Variants in WDR25 observed in about 807,000 individuals in gnomAD.
WDR25 encodes the protein WD repeat domain 25, also known as WD repeat-containing protein 25.
In WDR25, 35 loss-of-function variants were observed where a neutral mutation model predicts 47.7. That is an observed-to-expected ratio of 0.73 (90% CI 0.56 to 0.97). WDR25 has a LOEUF of 0.97. Ranked by LOEUF, WDR25 falls within the 50% of genes least tolerant of loss-of-function variation. The probability of loss-of-function intolerance (pLI) is 0.00; values close to 1 mark genes in which losing one functional copy is unlikely to be tolerated. For missense variants in WDR25, 634 were observed against 704.7 expected (o/e 0.90, Z 1.14); for synonymous variants, 248 against 278.9 (o/e 0.89, Z 1.10).
At position 100,525,231 on chromosome 14, in the gene WDR25, T is replaced by G. The variant is rs77029499; in HGVS notation, c.1102-639T>G. ...CATCCCCTCACCAGAGCTGGATACT[T>G]GAGAGCAGAAGCTGAATGTGATAAA... is the stretch of plus-strand genomic sequence containing the variant. On this transcript the variant is annotated intron_variant, in intron 4 of 6. Coordinates refer to ENST00000402312, the MANE Select transcript of WDR25 (RefSeq NM_001161476.3). The surrounding 1 kb of genome is among the most constrained non-coding windows in gnomAD (Gnocchi z 4.6). Among the ~76,000 whole-genome samples, 1,058 of 152,328 alleles carry G rather than the reference T, an allele frequency of 6.9e-3. 8 individuals are homozygous for G. Among genetic ancestry groups the G allele is most frequent in the Non-Finnish European group, 0.012 (798 of 68,028 alleles).
At chr14:100,462,562 T>A (rs1293793209) in intron 2 of WDR25, among the ~76,000 whole-genome samples, 1 of 152,180 alleles carries the variant, frequency 6.6e-6, no homozygotes, top group Non-Finnish European at 1.5e-5. Flanking sequence ...GTGCATCTAC[T>A]AGGAGAGCCA....
Position 100,428,738 on chromosome 14 carries a change from C to T in WDR25, c.823-39283C>T, listed in dbSNP as rs961582885. Among the ~76,000 whole-genome samples the T allele has an allele frequency of 6.6e-6, 1 of 152,214 alleles. No individual in the cohort carries two copies. The highest frequency in any genetic ancestry group is 2.4e-5 in the African/African-American group (1 of 41,462). On this transcript the variant is annotated intron_variant, in intron 2 of 6. Transcript: ENST00000402312. This position sits in a 1 kb window ranked among gnomAD's most constrained non-coding sequence, Gnocchi z 4.3. ...TGGATGTATTTTTGAACATTTGATA[C>T]CTTCTTTCAAAAGTGCTGTACCTTC...
intron 2 of WDR25, among the ~76,000 whole-genome samples, chr14:100,433,597 TC>T (rs2140235394): frequency 6.6e-6 from 1 of 152,332 alleles, no homozygotes; most frequent in African/African-American, 2.4e-5. Flanking sequence ...CTTACCTGAG[TC>T]AGTCCCTATG....
chr14:100,448,144 G>C (rs564772006), intron 2 of WDR25, among the ~76,000 whole-genome samples: 1 of 141,960 alleles, frequency 7.0e-6, no homozygotes, highest in Non-Finnish European at 1.5e-5. Context: ...GTGGTGAGCC[G>C]AGATCGTGCC....
At chr14:100,462,796 C>T (rs779174639) in intron 2 of WDR25, among the ~76,000 whole-genome samples, 5 of 152,072 alleles carry the variant, frequency 3.3e-5, no homozygotes, top group East Asian at 1.9e-4. Flanking sequence ...CTCCTCCCTC[C>T]GTCCTCTCCT....
At chr14:100,516,236 C>T (rs1346678758) in intron 4 of WDR25, among the ~76,000 whole-genome samples, 1 of 152,098 alleles carries the variant, frequency 6.6e-6, no homozygotes, top group African/African-American at 2.4e-5. Context: ...GCCAATTTTG[C>T]CTCATTTCTG....
At chr14:100,383,477 C>T (rs1490994110) in intron 2 of WDR25, among the ~76,000 whole-genome samples, 1 of 152,198 alleles carries the variant, frequency 6.6e-6, no homozygotes, top group Non-Finnish European at 1.5e-5. Context: ...AAGTGGTGGC[C>T]CTTGTCCTCC....
intron 2 of WDR25, among the ~76,000 whole-genome samples, chr14:100,421,953 C>A (rs184172849): frequency 3.5e-4 from 54 of 152,334 alleles, no homozygotes; most frequent in Non-Finnish European, 5.6e-4. Context: ...TTTATTTACT[C>A]ATTCTCCTAC....
intron 2 of WDR25, among the ~76,000 whole-genome samples, chr14:100,450,723 A>C (rs866280333): frequency 2.0e-5 from 3 of 152,192 alleles, no homozygotes; most frequent in Admixed American, 6.5e-5. Context: ...TACTCATTCT[A>C]ACCAGGTCAC....
intron 3 of WDR25, among the ~76,000 whole-genome samples, chr14:100,477,651 G>A (rs1488149717): frequency 2.0e-5 from 3 of 152,150 alleles, no homozygotes; most frequent in African/African-American, 7.2e-5. Context: ...TAGTGTTCAT[G>A]TTCAAGATAT....
rs1436816446 is a variant in WDR25 at position 100,488,231 on chromosome 14, C to T, written c.1101+4107C>T. On this transcript the variant is annotated intron_variant, in intron 4 of 6. Coordinates refer to ENST00000402312, the MANE Select transcript of WDR25 (RefSeq NM_001161476.3). This position sits in a 1 kb window ranked among gnomAD's most constrained non-coding sequence, Gnocchi z 4.2. Reference sequence around the variant, plus strand: ...GTCGGCAGGATGTGTTCTGCACAAGCCAGCTGTGCGTACTTACTTGAAACT... The same window carrying T: ...GTCGGCAGGATGTGTTCTGCACAAGTCAGCTGTGCGTACTTACTTGAAACT... Among the ~76,000 whole-genome samples, 1 of 152,146 alleles carries T rather than the reference C, an allele frequency of 6.6e-6. No homozygotes were observed. The highest frequency in any genetic ancestry group is 1.9e-4 in the East Asian group (1 of 5,178).
At position 100,484,065 on chromosome 14, in the gene WDR25, A is replaced by G; in HGVS notation, c.1042A>G (p.Ile348Val). The stretch of plus-strand genomic sequence containing the variant: ...GAAATTCCATCCAAAAGACCACAAC[A>G]TCTTTTTATGTGGAGGCTTCAGCTC... ...TLKFHPKDHNIFLCGGFSSEM... is the reference protein window; with the variant it reads ...TLKFHPKDHNVFLCGGFSSEM... Residue 348 changes from isoleucine (I) to valine (V), a missense_variant, in exon 4 of 7, where the codon ATC becomes GTC. Ile to Val is a conservative substitution (Grantham distance 29). Coordinates refer to ENST00000402312, the MANE Select transcript of WDR25 (RefSeq NM_001161476.3). 1 of 1,613,998 alleles carries G rather than the reference A, an allele frequency of 6.2e-7. No individual in the cohort carries two copies. Among genetic ancestry groups the G allele is most frequent in the East Asian group, 2.2e-5 (1 of 44,866 alleles).
At chr14:100,409,053 C>T (rs1038595166) in intron 2 of WDR25, among the ~76,000 whole-genome samples, 3 of 152,112 alleles carry the variant, frequency 2.0e-5, no homozygotes, top group African/African-American at 7.2e-5. Flanking sequence ...CTGGGGACTC[C>T]AAGGGCTTCA....
At chr14:100,416,931 G>A (rs887883725) in intron 2 of WDR25, among the ~76,000 whole-genome samples, 1 of 152,214 alleles carries the variant, frequency 6.6e-6, no homozygotes, top group African/African-American at 2.4e-5. Context: ...ACCTTTCCCA[G>A]GGAGAGTCAC....
chr14:100,447,585 C>T (rs771931684), intron 2 of WDR25, among the ~76,000 whole-genome samples: 1 of 152,086 alleles, frequency 6.6e-6, no homozygotes, highest in Non-Finnish European at 1.5e-5. Context: ...CAGCTGCCAC[C>T]CAGACTTGAG....
chr14:100,511,270 G>C (rs969948356), intron 4 of WDR25, among the ~76,000 whole-genome samples: 16 of 152,164 alleles, frequency 1.1e-4, no homozygotes, highest in African/African-American at 3.9e-4. Flanking sequence ...TTATCCCCAA[G>C]TATTTATATT....
chr14:100,510,613 G>A (rs1288251730), intron 4 of WDR25, among the ~76,000 whole-genome samples: 1 of 151,564 alleles, frequency 6.6e-6, no homozygotes, highest in Admixed American at 6.6e-5. Flanking sequence ...GTGGGTGCCT[G>A]TAATCCCAGC....
chr14:100,460,602 A>T (rs144584586), intron 2 of WDR25, among the ~76,000 whole-genome samples: 5 of 152,330 alleles, frequency 3.3e-5, no homozygotes, highest in African/African-American at 1.2e-4. Flanking sequence ...GAACATTTCA[A>T]TAGATGCTGA....
intron 2 of WDR25, among the ~76,000 whole-genome samples, chr14:100,447,462 C>T (rs189758688): frequency 5.6e-4 from 85 of 152,300 alleles, no homozygotes; most frequent in African/African-American, 1.9e-3. Context: ...CTCTTTGCCA[C>T]GTGTCTGCAG....
Sources: gnomAD v4.1 joint callset for allele counts (sites outside exome capture counted in the v4.1 genomes callset) on GRCh38, gnomAD v4.1.1 for gene constraint, Gnocchi (gnomAD v3.1) non-coding constraint, MANE v1.5 for transcripts, NCBI Gene and HGNC (gene_info 2026-07-23, HGNC 2026-07-21) for gene names.